Variants in WDR17 observed in about 807,000 individuals in gnomAD.
WDR17 encodes the protein WD repeat domain 17, also known as WD repeat-containing protein 17.
Under a neutral mutation model 161.7 loss-of-function variants are expected in WDR17, and 143 were observed. The observed-to-expected ratio is 0.88, with a 90% CI of 0.77 to 1.02. The LOEUF is 1.02. Among genes scored for constraint, WDR17 ranks in the 50% least tolerant of loss-of-function variants. The pLI, the probability that WDR17 is intolerant of heterozygous loss-of-function variation, is 0.00. For missense variants in WDR17, 1,469 were observed against 1,520.9 expected (o/e 0.97, Z 0.57); for synonymous variants, 517 against 515.6 (o/e 1.00, Z -0.04).
intron 2 of WDR17, among the ~76,000 whole-genome samples, chr4:176,113,957 A>G (rs1488064771): frequency 6.6e-6 from 1 of 152,058 alleles, no homozygotes; most frequent in Non-Finnish European, 1.5e-5. Context: ...TAAACATCAT[A>G]GGAATGCATC....
chr4:176,148,636 G>T (rs1023567354), intron 13 of WDR17, among the ~76,000 whole-genome samples: 1 of 152,072 alleles, frequency 6.6e-6, no homozygotes, highest in Non-Finnish European at 1.5e-5. Context: ...CACATATTGC[G>T]ATGGGCATAT....
At chr4:176,130,548 T>G (rs940883630) in intron 6 of WDR17, among the ~76,000 whole-genome samples, 8 of 151,836 alleles carry the variant, frequency 5.3e-5, no homozygotes, top group Admixed American at 1.3e-4. Flanking sequence ...ATCGAGACCA[T>G]CCTGGCTAAC....
chr4:176,131,843 A>G, intron 7 of WDR17, 105 bp downstream of exon 7: 2 of 910,658 alleles, frequency 2.2e-6, no homozygotes, highest in Admixed American at 3.0e-5. Flanking sequence ...TTTTGTAAGT[A>G]ATAATATACT....
At chr4:176,076,857 C>T (rs536020550) in intron 1 of WDR17, among the ~76,000 whole-genome samples, 1 of 152,122 alleles carries the variant, frequency 6.6e-6, no homozygotes, top group East Asian at 1.9e-4. Context: ...ACTCTTTCTT[C>T]TTGGATACTG....
intron 19 of WDR17, 62 bp downstream of exon 19, chr4:176,160,188 G>T: frequency 6.3e-7 from 1 of 1,582,070 alleles, no homozygotes; most frequent in East Asian, 2.2e-5. Flanking sequence ...AAGGGAGAAG[G>T]TTGTGTTGAC....
chr4:176,158,240 G>GAAGGCAAT (rs1243080500), intron 18 of WDR17, among the ~76,000 whole-genome samples: 1 of 152,190 alleles, frequency 6.6e-6, no homozygotes, highest in African/African-American at 2.4e-5. Flanking sequence ...AGGCCAGTTA[G>GAAGGCAAT]AAGGCAATTA....
chr4:176,155,032 T>C (rs911082246), intron 17 of WDR17, among the ~76,000 whole-genome samples: 4 of 152,176 alleles, frequency 2.6e-5, no homozygotes, highest in African/African-American at 9.6e-5. Flanking sequence ...AAGTAAAATT[T>C]ATTAAAATGA....
chr4:176,069,061 G>A (rs1041805731), intron 1 of WDR17, among the ~76,000 whole-genome samples: 1 of 152,062 alleles, frequency 6.6e-6, no homozygotes, highest in Non-Finnish European at 1.5e-5. Flanking sequence ...TAAAGCATGG[G>A]CTGTCACATT....
chr4:176,176,933 T>C, intron 26 of WDR17, 125 bp from the exon 27 acceptor site: 1 of 629,442 alleles, frequency 1.6e-6, no homozygotes. Context: ...ATATGTATAT[T>C]ATATATAACG....
chr4:176,120,321 A>C (rs11931216), intron 4 of WDR17, among the ~76,000 whole-genome samples: 2 of 134,874 alleles, frequency 1.5e-5, no homozygotes, highest in Non-Finnish European at 3.2e-5. Flanking sequence ...TATATATATA[A>C]TACATTCAAC....
chr4:176,083,087 T>C (rs539615849), intron 1 of WDR17, among the ~76,000 whole-genome samples: 1 of 152,288 alleles, frequency 6.6e-6, no homozygotes, highest in African/African-American at 2.4e-5. Flanking sequence ...GTCTATTTTT[T>C]CCTCTAAAAA....
At chr4:176,162,634 A>G (rs1261052457) in intron 21 of WDR17, among the ~76,000 whole-genome samples, 1 of 152,202 alleles carries the variant, frequency 6.6e-6, no homozygotes, top group Admixed American at 6.5e-5. Context: ...TATAAGAAAA[A>G]ATACAAATGA....
At chr4:176,128,656 A>G (rs956363068) in intron 5 of WDR17, 82 bp from the exon 6 acceptor site, 26 of 1,414,404 alleles carry the variant, frequency 1.8e-5, no homozygotes, top group Non-Finnish European at 2.5e-5. Flanking sequence ...TTTCCAGTTG[A>G]AATTTTGTTA....
chr4:176,096,981 A>G (rs1413099100), intron 1 of WDR17, among the ~76,000 whole-genome samples: 3 of 151,976 alleles, frequency 2.0e-5, no homozygotes, highest in Non-Finnish European at 2.9e-5. Flanking sequence ...TTAAACAAAT[A>G]CTTTAAAAGG....
chr4:176,077,930 A>G (rs989075149), intron 1 of WDR17, among the ~76,000 whole-genome samples: 6 of 152,082 alleles, frequency 3.9e-5, no homozygotes, highest in Non-Finnish European at 7.4e-5. Flanking sequence ...TAAAAGTCCT[A>G]AATTTCAAGA....
intron 1 of WDR17, among the ~76,000 whole-genome samples, chr4:176,082,413 T>C (rs1324376503): frequency 6.6e-6 from 1 of 152,096 alleles, no homozygotes; most frequent in Non-Finnish European, 1.5e-5. Flanking sequence ...AGAATTTCGC[T>C]TTGTAAAATA....
chr4:176,120,971 T>C (rs1218680355), intron 4 of WDR17, among the ~76,000 whole-genome samples: 1 of 152,126 alleles, frequency 6.6e-6, no homozygotes, highest in Non-Finnish European at 1.5e-5. Context: ...ATTGAAACAT[T>C]GGGGCCATTA....
chr4:176,164,666 G>A (rs1279729562), intron 22 of WDR17, among the ~76,000 whole-genome samples: 8 of 152,120 alleles, frequency 5.3e-5, no homozygotes, highest in Non-Finnish European at 1.2e-4. Flanking sequence ...CAGCCAACTC[G>A]GGAAAAGAAC....
chr4:176,146,087 A>G lies in WDR17; in HGVS notation c.1622A>G (p.His541Arg), dbSNP rs1746113972. The G allele has an allele frequency of 6.2e-7, 1 of 1,613,990 alleles. No individual in the cohort carries two copies. The highest frequency in any genetic ancestry group is 1.1e-5 in the South Asian group (1 of 91,072). ...SDQPLKVFSGHTAKVFHVKWS... is the reference protein window; with the variant it reads ...SDQPLKVFSGRTAKVFHVKWS... ...CAACCATTGAAAGTATTTAGTGGGC[A>G]TACAGCAAAAGTGTTTCATGTTAAA... Residue 541 changes from histidine (H) to arginine (R), a missense_variant, in exon 12 of 29, where the codon CAT (histidine) becomes CGT (arginine). Transcript: ENST00000508596.
Sources: gnomAD v4.1 joint callset for allele counts (sites outside exome capture counted in the v4.1 genomes callset) on GRCh38, gnomAD v4.1.1 for gene constraint, MANE v1.5 for transcripts, NCBI Gene and HGNC (gene_info 2026-07-23, HGNC 2026-07-21) for gene names.